Variants in INSC observed in about 807,000 individuals in gnomAD.
INSC encodes the protein INSC spindle orientation adaptor protein, also known as protein inscuteable homolog.
A neutral mutation model predicts 58.6 loss-of-function variants in INSC; 67 were observed. The ratio of observed to expected loss-of-function variants is 1.14; its 90% CI spans 0.94 to 1.40. The LOEUF (loss-of-function observed/expected upper bound fraction) is 1.40, where lower values mean the gene tolerates loss of function less well. Ranked by LOEUF, INSC falls within the 40% of genes most tolerant of loss-of-function variation. INSC has a pLI of 0.00. For synonymous variants in INSC, 262 were observed against 276.1 expected, an observed-to-expected ratio of 0.95 and a Z score of 0.51; for missense variants, 714 against 692.0, an observed-to-expected ratio of 1.03 and a Z score of -0.36.
chr11:15,208,480 G>A (rs980236525), intron 7 of INSC, among the ~76,000 whole-genome samples: 2 of 152,188 alleles, frequency 1.3e-5, no homozygotes, highest in African/African-American at 2.4e-5. Flanking sequence ...GTTCACTTTC[G>A]ACATACCAAG....
chr11:15,267,590 C>T, the INSC span, among the ~76,000 whole-genome samples: 1 of 151,826 alleles, frequency 6.6e-6, no homozygotes, highest in African/African-American at 2.4e-5. Context: ...CAATTTGGGT[C>T]TTTTAAAAAT....
upstream of INSC, chr11:15,114,873 G>T (rs1413955329): frequency 8.8e-6 from 8 of 911,016 alleles, no homozygotes; most frequent in Non-Finnish European, 1.0e-5. Flanking sequence ...GGGGCGGGGG[G>T]TGGGGCGGGG....
chr11:15,173,077 G>A (rs1196740601), intron 2 of INSC, among the ~76,000 whole-genome samples: 2 of 152,180 alleles, frequency 1.3e-5, no homozygotes, highest in African/African-American at 4.8e-5. Flanking sequence ...GTTGAATGTT[G>A]CATTGTTTAT....
At chr11:15,204,641 A>G (rs1945627) in intron 7 of INSC, among the ~76,000 whole-genome samples, 8,320 of 152,324 alleles carry the variant, frequency 0.055, 323 homozygotes, top group Non-Finnish European at 0.08. Flanking sequence ...TAGAAACCAC[A>G]GAGTGACAGG....
intron 1 of INSC, 136 bp from the exon 2 acceptor site, chr11:15,148,994 G>A: frequency 9.2e-7 from 1 of 1,087,518 alleles, no homozygotes; most frequent in Non-Finnish European, 1.2e-6. Context: ...AGTGTAAACT[G>A]GTTCAACAGA....
chr11:15,230,366 T>C (rs1331272277), intron 9 of INSC, among the ~76,000 whole-genome samples: 1 of 151,682 alleles, frequency 6.6e-6, no homozygotes, highest in Non-Finnish European at 1.5e-5. Flanking sequence ...AGCAGACACA[T>C]CGCATGGCAG....
At chr11:15,217,295 C>A (rs1851256222) in intron 7 of INSC, among the ~76,000 whole-genome samples, 1 of 152,190 alleles carries the variant, frequency 6.6e-6, no homozygotes, top group African/African-American at 2.4e-5. Context: ...CTCACTATCA[C>A]AAGAACAGCA....
intron 12 of INSC, among the ~76,000 whole-genome samples, chr11:15,244,978 A>G (rs1852502778): frequency 6.6e-6 from 1 of 152,204 alleles, no homozygotes; most frequent in African/African-American, 2.4e-5. Context: ...AGATCTCAAT[A>G]TTAAAGCACT....
At chr11:15,116,674 G>C (rs1847703137) in intron 1 of INSC, among the ~76,000 whole-genome samples, 1 of 151,890 alleles carries the variant, frequency 6.6e-6, no homozygotes. Flanking sequence ...CTTTCAGCTG[G>C]GAAGTTAGAA....
Position 15,246,052 on chromosome 11 carries a change from G to A in INSC, c.*12G>A, listed in dbSNP as rs564464402. 20 of 1,613,916 alleles carry A rather than the reference G, an allele frequency of 1.2e-5. No individual in the cohort carries two copies. The highest frequency in any genetic ancestry group is 6.7e-5 in the East Asian group (3 of 44,868). ...AGAGTTTTGTGTAGTGAGTGTGGGC[G>A]AAGAAATACATTTGGCTGTTCTCAC... On this transcript the variant is annotated 3_prime_UTR_variant, in exon 13 of 13. Transcript: ENST00000379556.
At chr11:15,249,713 G>A (rs554931574), downstream of INSC, among the ~76,000 whole-genome samples, 4 of 152,286 alleles carry the variant, frequency 2.6e-5, no homozygotes, top group Admixed American at 2.0e-4. Flanking sequence ...GTGCTCCAGG[G>A]AAAGGTAGAA....
At chr11:15,162,005 T>A (rs1849036513) in intron 2 of INSC, among the ~76,000 whole-genome samples, 1 of 152,252 alleles carries the variant, frequency 6.6e-6, no homozygotes, top group South Asian at 2.1e-4. Context: ...TATAGTTCAC[T>A]GCATAGCAGA....
intron 9 of INSC, among the ~76,000 whole-genome samples, chr11:15,229,967 TA>T (rs1450159560): frequency 7.7e-4 from 16 of 20,872 alleles, no homozygotes; most frequent in African/African-American, 2.7e-3. Flanking sequence ...TATTTATATA[TA>T]TATATATATA....
intron 1 of INSC, among the ~76,000 whole-genome samples, chr11:15,132,288 C>A (rs1047494329): frequency 6.6e-6 from 1 of 151,942 alleles, no homozygotes; most frequent in African/African-American, 2.4e-5. Context: ...ATAATTGTTT[C>A]TTTTTTCTTT....
chr11:15,171,030 A>G (rs1011595211), intron 2 of INSC, among the ~76,000 whole-genome samples: 1 of 152,244 alleles, frequency 6.6e-6, no homozygotes, highest in African/African-American at 2.4e-5. Context: ...TTTAAAAACA[A>G]TAACTAAGTA....
At chr11:15,256,048 T>C in the INSC span, among the ~76,000 whole-genome samples, 5 of 152,194 alleles carry the variant, frequency 3.3e-5, no homozygotes, top group East Asian at 1.9e-4. Context: ...CAGTTCTCAC[T>C]TTGGTGCAAG....
intron 1 of INSC, among the ~76,000 whole-genome samples, chr11:15,144,435 C>A (rs1359972492): frequency 6.6e-6 from 1 of 152,180 alleles, no homozygotes; most frequent in East Asian, 1.9e-4. Flanking sequence ...GACAGGACAG[C>A]TCTGTTGCTT....
At chr11:15,256,009 T>A in the INSC span, among the ~76,000 whole-genome samples, 1 of 152,240 alleles carries the variant, frequency 6.6e-6, no homozygotes, top group Non-Finnish European at 1.5e-5. Context: ...ACTGCAGACA[T>A]ATCCCACCAT....
intron 2 of INSC, among the ~76,000 whole-genome samples, chr11:15,161,253 T>TC (rs1416818874): frequency 2.0e-5 from 3 of 152,096 alleles, no homozygotes; most frequent in Admixed American, 6.6e-5. Context: ...TCATTTTGCC[T>TC]CCCCCAGGAC....
Sources: gnomAD v4.1 joint callset for allele counts (sites outside exome capture counted in the v4.1 genomes callset) on GRCh38, gnomAD v4.1.1 for gene constraint, MANE v1.5 for transcripts, NCBI Gene and HGNC (gene_info 2026-07-23, HGNC 2026-07-21) for gene names.